The following PBDC1 variants were observed in gnomAD, a reference collection of about 807,000 sequenced individuals.
PBDC1 encodes the protein polysaccharide biosynthesis domain containing 1, also known as protein PBDC1.
PBDC1 carries 3 observed loss-of-function variants against 12.0 expected under a neutral mutation model. The ratio of observed to expected loss-of-function variants is 0.25; its 90% CI spans 0.11 to 0.64. The LOEUF is 0.64. Among genes scored for constraint, PBDC1 ranks in the 30% least tolerant of loss-of-function variants. PBDC1 has a pLI of 0.84. For synonymous variants in PBDC1, 64 were observed against 56.4 expected, an observed-to-expected ratio of 1.13 and a Z score of -0.60; for missense variants, 162 against 168.1, an observed-to-expected ratio of 0.96 and a Z score of 0.20.
At chrX:76,177,140 G>A (rs1216240676) in intron 5 of PBDC1, 148 bp downstream of exon 5, 2 of 419,096 alleles carry the variant, frequency 4.8e-6, no homozygotes, top group Non-Finnish European at 8.3e-6. Flanking sequence ...CTTGAAGATA[G>A]TTAAGTATTT....
rs1398493605 is a variant in PBDC1 at position 76,178,126 on chromosome X, C to T, written c.*218C>T. 1.8e-5 allele frequency: 9 copies of T among 506,168 alleles called. No homozygotes were observed. The highest frequency in any genetic ancestry group is 5.0e-5 in the Admixed American group (1 of 19,925). 41.7% of individuals were successfully genotyped at this position (506,168 alleles called of 1,213,427 possible). On this transcript the variant is annotated 3_prime_UTR_variant, in exon 6 of 6. Transcript: ENST00000373358. ...TTAGTGGGGTGTTAGTTGATTTTTC[C>T]TGGTATACTGTTTCTTGGCTGACAC...
intron 4 of PBDC1, among the ~76,000 whole-genome samples, chrX:76,176,004 T>C (rs1393345513): frequency 3.6e-5 from 4 of 111,977 alleles, no homozygotes; most frequent in Non-Finnish European, 7.5e-5. Context: ...AAAACTTTTG[T>C]TTTTCATTGC....
chrX:76,176,151 G>A (rs782649383), intron 4 of PBDC1, among the ~76,000 whole-genome samples: 35 of 57,415 alleles, frequency 6.1e-4, no homozygotes, highest in Admixed American at 4.6e-3. Context: ...TTTGTTTTTT[G>A]TTTTTTGGTT....
chrX:76,175,819 CT>C (rs1463760767), intron 4 of PBDC1, among the ~76,000 whole-genome samples: 4 of 110,974 alleles, frequency 3.6e-5, no homozygotes, highest in African/African-American at 9.8e-5. Flanking sequence ...TTTTTTTCTC[CT>C]TTTTGTCTTG....
chrX:76,178,025 G>C lies in PBDC1; in HGVS notation c.*117G>C. ...AAATTCTTGTACAATTGAAGGATAC[G>C]CAGAAGGACATCTTTCTAGTCTAAC... On this transcript the variant is annotated 3_prime_UTR_variant, in exon 6 of 6. Coordinates refer to ENST00000373358, the MANE Select transcript of PBDC1 (RefSeq NM_016500.5). The C allele has an allele frequency of 2.6e-6, 3 of 1,142,438 alleles. No individual in the cohort carries two copies. Among genetic ancestry groups the C allele is most frequent in the Non-Finnish European group, 3.5e-6 (3 of 858,428 alleles). 94.1% of individuals were successfully genotyped at this position (1,142,438 alleles called of 1,213,427 possible).
Position 76,177,846 on chromosome X carries a change from G to A in PBDC1, c.640G>A (p.Gly214Arg). 2 of 1,209,238 alleles carry A rather than the reference G, an allele frequency of 1.7e-6. No homozygotes were observed. Among genetic ancestry groups the A allele is most frequent in the Non-Finnish European group, 2.2e-6 (2 of 894,408 alleles). The change falls in exon 6 of 6, where the codon GGA becomes AGA. Residue 214 changes from glycine to arginine, a missense_variant. By Grantham distance (125) the Gly-to-Arg change is moderately radical. Around this residue, in one of 3 missense-constraint regions of PBDC1, gnomAD observed 100 missense variants for 96.2 expected, o/e 1.04. Coordinates refer to ENST00000373358, the MANE Select transcript of PBDC1 (RefSeq NM_016500.5). ...GINREDKTDK[G>R]GEKGKEADKE... ...CAACAGAGAAGACAAAACTGACAAA[G>A]GAGGAGAAAAAGGGAAAGAAGCTGA...
Position 76,177,077 on chromosome X carries a change from A to G in PBDC1, c.409+85A>G, listed in dbSNP as rs1320907755. ...TGATGAATCAGTGATGTGTATAGTTAGGTCACCTTATCTTGTTTCATCTTT... is the reference window on the plus strand; with the variant it reads ...TGATGAATCAGTGATGTGTATAGTTGGGTCACCTTATCTTGTTTCATCTTT... On this transcript the variant is annotated intron_variant, in intron 5 of 5. Coordinates refer to ENST00000373358, the MANE Select transcript of PBDC1 (RefSeq NM_016500.5). 15 of 556,551 alleles carry G rather than the reference A, an allele frequency of 2.7e-5. No individual in the cohort carries two copies. In the African/African-American group the frequency reaches 3.5e-4, roughly 13 times the overall value. 45.9% of individuals were successfully genotyped at this position (556,551 alleles called of 1,213,427 possible).
chrX:76,176,848 T>G, intron 4 of PBDC1, 33 bp from the exon 5 acceptor site: 1 of 988,945 alleles, frequency 1.0e-6, no homozygotes, highest in African/African-American at 1.9e-5. Context: ...CCTCTTGCAT[T>G]TGTCAGCTAA....
chrX:76,174,881 C>A lies in PBDC1; in HGVS notation c.97-9C>A. 2 of 1,203,327 alleles carry A rather than the reference C, an allele frequency of 1.7e-6. No homozygotes were observed. Among genetic ancestry groups the A allele is most frequent in the Non-Finnish European group, 2.3e-6 (2 of 887,621 alleles). On this transcript the variant is annotated splice_polypyrimidine_tract_variant and intron_variant, in intron 2 of 5. Coordinates refer to ENST00000373358, the MANE Select transcript of PBDC1 (RefSeq NM_016500.5). ...GATTTATGACCTGGCATTCTTCACT[C>A]CTTTGCAGCCTGACATTGAGATGGC... is the stretch of plus-strand genomic sequence containing the variant.
At chrX:76,174,387 A>T (rs782720249) in intron 2 of PBDC1, among the ~76,000 whole-genome samples, 6 of 111,894 alleles carry the variant, frequency 5.4e-5, no homozygotes, top group South Asian at 7.5e-4. Flanking sequence ...GCTTGGTAAG[A>T]CTTATTATAA....
chrX:76,177,811 A>T lies in PBDC1; in HGVS notation c.605A>T (p.Glu202Val). ...EKGADSGEEK[E>V]EGINREDKTD... ...GGAGCTGATAGTGGAGAAGAAAAAG[A>T]GGAAGGAATCAACAGAGAAGACAAA... is the stretch of plus-strand genomic sequence containing the variant. Residue 202 changes from glutamate (E) to valine (V), a missense_variant, in exon 6 of 6, where the codon GAG becomes GTG. Coordinates refer to ENST00000373358, the MANE Select transcript of PBDC1 (RefSeq NM_016500.5). 1 of 1,203,211 alleles carries T rather than the reference A, an allele frequency of 8.3e-7. No homozygotes were observed.
At chrX:76,173,743 A>G in intron 2 of PBDC1, 93 bp downstream of exon 2, 3 of 507,694 alleles carry the variant, frequency 5.9e-6, no homozygotes, top group Non-Finnish European at 8.9e-6. Context: ...TCACGTCCTG[A>G]TAATCTACTG....
chrX:76,174,224 A>G (rs185910405), intron 2 of PBDC1, among the ~76,000 whole-genome samples: 13 of 111,852 alleles, frequency 1.2e-4, no homozygotes, highest in Admixed American at 1.1e-3. Flanking sequence ...CTGTATCCTC[A>G]AAGTGTAGGT....
At chrX:76,175,940 G>T (rs189740154) in intron 4 of PBDC1, among the ~76,000 whole-genome samples, 43 of 111,238 alleles carry the variant, frequency 3.9e-4, no homozygotes, top group African/African-American at 1.1e-3. Flanking sequence ...GTATAGGAAG[G>T]TGTTTTGATT....
chrX:76,177,508 GCCACTGCA>G, intron 5 of PBDC1, 100 bp from the exon 6 acceptor site: 1 of 682,880 alleles, frequency 1.5e-6, no homozygotes. Context: ...CTGTGATTGT[GCCACTGCA>G]GTCCAGCCCT....
rs1556796553 is a variant in PBDC1, at chrX:76,173,100, A to G, written c.-39A>G. 1 of 1,167,362 alleles carries G rather than the reference A, an allele frequency of 8.6e-7. No individual in the cohort carries two copies. ...GACTCTGATCCGGCTCAGCTTTCCA[A>G]TCAGCTGCGGAAGGAGCCACGCTTT... On this transcript the variant is annotated 5_prime_UTR_variant, in exon 1 of 6. Transcript: ENST00000373358.
chrX:76,175,639 A>G (rs1556796862), intron 4 of PBDC1, 26 bp downstream of exon 4: 8 of 1,116,513 alleles, frequency 7.2e-6, no homozygotes, highest in Non-Finnish European at 9.6e-6. Context: ...CTTAAATATT[A>G]CTTAGCATTT....
At chrX:76,174,285 G>A (rs1013788050) in intron 2 of PBDC1, among the ~76,000 whole-genome samples, 1 of 111,406 alleles carries the variant, frequency 9.0e-6, no homozygotes, top group Non-Finnish European at 1.9e-5. Context: ...TCTAAGGCAT[G>A]GAGGTAACAA....
At position 76,175,669 on chromosome X, in the gene PBDC1, C is replaced by T. The variant is rs184899414; in HGVS notation, c.297+56C>T. The T allele has an allele frequency of 2.8e-3, 2,655 of 955,827 alleles. 7 individuals carry two copies. The highest frequency in any genetic ancestry group is 3.5e-3 in the Non-Finnish European group (2,466 of 709,714). 78.8% of individuals were successfully genotyped at this position (955,827 alleles called of 1,213,427 possible). The stretch of plus-strand genomic sequence containing the variant: ...GCATTTAACCAACAATTTTTGATTG[C>T]GAATGTTTTTTTACATTTAAGCTCT... On this transcript the variant is annotated intron_variant, in intron 4 of 5. Transcript: ENST00000373358.
Sources: gnomAD v4.1 joint callset for allele counts (sites outside exome capture counted in the v4.1 genomes callset) on GRCh38, gnomAD v4.1.1 for gene constraint, gnomAD v4.1.1 regional missense constraint, MANE v1.5 for transcripts, NCBI Gene and HGNC (gene_info 2026-07-23, HGNC 2026-07-21) for gene names.